The following PRKN variants were observed in gnomAD, a reference collection of about 807,000 sequenced individuals.
PRKN encodes parkin RBR E3 ubiquitin protein ligase, also known as E3 ubiquitin-protein ligase parkin.
Under a neutral mutation model 59.5 loss-of-function variants are expected in PRKN, and 56 were observed. The observed-to-expected ratio is 0.94, with a 90% CI of 0.76 to 1.18. The LOEUF is 1.18. PRKN is among the 50% of genes most tolerant of loss of function. PRKN has a pLI of 0.00. For synonymous variants in PRKN, 250 were observed against 222.1 expected (o/e 1.13, Z -1.12); for missense variants, 657 against 596.4 (o/e 1.10, Z -1.06).
intron 4 of PRKN, among the ~76,000 whole-genome samples, chr6:162,141,158 A>G (rs1010714093): frequency 2.1e-4 from 31 of 146,202 alleles, no homozygotes; most frequent in African/African-American, 8.2e-4. Flanking sequence ...AAATAAAAAT[A>G]AAAATAAAAA....
At chr6:161,920,122 G>C (rs576113902) in intron 6 of PRKN, among the ~76,000 whole-genome samples, 1 of 152,306 alleles carries the variant, frequency 6.6e-6, no homozygotes, top group East Asian at 1.9e-4. Flanking sequence ...GCTGGTTCAC[G>C]CCTATAATCC....
Position 162,701,187 on chromosome 6 carries a change from C to T in PRKN, c.7+26475G>A, listed in dbSNP as rs538492032. Among the ~76,000 whole-genome samples the T allele has an allele frequency of 6.6e-5, 10 of 152,064 alleles. No homozygotes were observed. The South Asian group carries it at 1.7e-3, about 25-fold the overall frequency. On this transcript the variant is annotated intron_variant, in intron 1 of 11. Transcript: ENST00000366898. ...TGTGATTTTTGTCTACTGCCAACTG[C>T]TAAGAAAACCAAAATTCAATGTGAT...
chr6:162,504,373 A>G (rs1331100796), intron 1 of PRKN, among the ~76,000 whole-genome samples: 1 of 152,350 alleles, frequency 6.6e-6, no homozygotes, highest in African/African-American at 2.4e-5. Flanking sequence ...CTTCACCCAA[A>G]TAAGTGGCAA....
intron 2 of PRKN, among the ~76,000 whole-genome samples, chr6:162,304,462 C>A (rs575866285): frequency 1.3e-5 from 2 of 150,856 alleles, no homozygotes; most frequent in Admixed American, 1.3e-4. Context: ...TTCCATATAA[C>A]TAAAATGTAA....
chr6:161,827,895 AC>A (rs1164154494), intron 6 of PRKN, among the ~76,000 whole-genome samples: 1 of 152,176 alleles, frequency 6.6e-6, no homozygotes, highest in African/African-American at 2.4e-5. Context: ...AGTTTTATTG[AC>A]TATTTAGTTA....
intron 6 of PRKN, among the ~76,000 whole-genome samples, chr6:161,846,955 C>G (rs569104401): frequency 1.3e-5 from 2 of 152,218 alleles, no homozygotes; most frequent in African/African-American, 4.8e-5. Flanking sequence ...GACTTTTAAA[C>G]AAGAGCTTTG....
intron 4 of PRKN, among the ~76,000 whole-genome samples, chr6:162,065,672 C>G (rs1778307475): frequency 6.6e-6 from 1 of 151,980 alleles, no homozygotes; most frequent in South Asian, 2.1e-4. Flanking sequence ...CTTCCCCCAT[C>G]AACTCGTCAT....
At chr6:161,832,554 G>C (rs571094086) in intron 6 of PRKN, among the ~76,000 whole-genome samples, 1 of 150,528 alleles carries the variant, frequency 6.6e-6, no homozygotes, top group Non-Finnish European at 1.5e-5. Flanking sequence ...AACCCAGGAG[G>C]CGGTGGTTGC....
At chr6:161,383,264 T>C (rs886910855) in intron 10 of PRKN, among the ~76,000 whole-genome samples, 6 of 152,206 alleles carry the variant, frequency 3.9e-5, no homozygotes, top group African/African-American at 1.4e-4. Flanking sequence ...TCAAATCGAA[T>C]TGGGTCATGA....
chr6:162,598,853 C>CAA (rs35219327), intron 1 of PRKN, among the ~76,000 whole-genome samples: 33,500 of 106,458 alleles, frequency 0.31, 5,173 homozygotes, highest in East Asian at 0.45. Flanking sequence ...ATTCTGTCAC[C>CAA]AAAAAAAAAA....
chr6:161,923,824 G>C (rs745333863), intron 6 of PRKN, among the ~76,000 whole-genome samples: 1 of 152,094 alleles, frequency 6.6e-6, no homozygotes, highest in Admixed American at 6.6e-5. Context: ...TGGAACTTGC[G>C]AGACCCTTCA....
At chr6:162,611,244 C>A (rs1472554643) in intron 1 of PRKN, among the ~76,000 whole-genome samples, 1 of 152,144 alleles carries the variant, frequency 6.6e-6, no homozygotes, top group African/African-American at 2.4e-5. Flanking sequence ...TTGTTCTCTT[C>A]AATGTATATC....
chr6:162,429,653 A>T (rs528930811), intron 2 of PRKN, among the ~76,000 whole-genome samples: 1 of 152,156 alleles, frequency 6.6e-6, no homozygotes, highest in Non-Finnish European at 1.5e-5. Context: ...CACACCCACG[A>T]CACAAACTGA....
At chr6:161,557,570 C>T (rs2115450352) in intron 8 of PRKN, among the ~76,000 whole-genome samples, 1 of 152,200 alleles carries the variant, frequency 6.6e-6, no homozygotes, top group South Asian at 2.1e-4. Context: ...CGTAAACATC[C>T]CCCACCACTG....
Position 161,571,306 on chromosome 6 carries a change from C to A in PRKN, c.872-1890G>T, listed in dbSNP as rs560436212. The stretch of plus-strand genomic sequence containing the variant: ...AAAAACCTGTTTCTTTGAGATAAGA[C>A]CTATGGATTATATAATCTGTTGAAC... On this transcript the variant is annotated intron_variant, in intron 7 of 11. Transcript: ENST00000366898. 1.2e-4 allele frequency among the ~76,000 whole-genome samples: 18 copies of A among 152,254 alleles called. No homozygotes were observed. The South Asian group carries it at 3.7e-3, about 32-fold the overall frequency.
intron 5 of PRKN, among the ~76,000 whole-genome samples, chr6:162,038,738 A>G (rs1187431480): frequency 6.6e-6 from 1 of 152,226 alleles, no homozygotes; most frequent in African/African-American, 2.4e-5. Context: ...AACCTAAGAG[A>G]CCAGGGTATA....
intron 1 of PRKN, among the ~76,000 whole-genome samples, chr6:162,475,983 G>A (rs540725029): frequency 9.1e-5 from 12 of 131,828 alleles, no homozygotes; most frequent in East Asian, 5.1e-4. Flanking sequence ...TTCTCACCTC[G>A]TGAGCCGCCT....
rs1781142186 is a variant in PRKN, at chr6:161,576,686, T to C, written c.872-7270A>G. 6.6e-6 allele frequency among the ~76,000 whole-genome samples: 1 copy of C among 152,178 alleles called. No homozygotes were observed. The highest frequency in any genetic ancestry group is 2.4e-5 in the African/African-American group (1 of 41,430). Reference sequence around the variant, plus strand: ...TAAACTAATAAGTAGGTAAATGAAGTAACATTTTGGATGGTCATTAGCACT... The same window carrying C: ...TAAACTAATAAGTAGGTAAATGAAGCAACATTTTGGATGGTCATTAGCACT... On this transcript the variant is annotated intron_variant, in intron 7 of 11. Transcript: ENST00000366898. This position sits in a 1 kb window ranked among gnomAD's most constrained non-coding sequence, Gnocchi z 4.6.
chr6:161,775,587 C>T (rs79701915), intron 7 of PRKN, among the ~76,000 whole-genome samples: 2 of 152,128 alleles, frequency 1.3e-5, no homozygotes, highest in Non-Finnish European at 2.9e-5. Context: ...TTTTAATATG[C>T]GTGTTGGCCA....
Sources: gnomAD v4.1 joint callset for allele counts (sites outside exome capture counted in the v4.1 genomes callset) on GRCh38, gnomAD v4.1.1 for gene constraint, Gnocchi (gnomAD v3.1) non-coding constraint, MANE v1.5 for transcripts, NCBI Gene and HGNC (gene_info 2026-07-23, HGNC 2026-07-21) for gene names.